The following ARL2 variants were observed in gnomAD, a reference collection of about 807,000 sequenced individuals.
The protein encoded by ARL2 is ARF like GTPase 2, also known as ADP-ribosylation factor-like protein 2.
Under a neutral mutation model 22.0 loss-of-function variants are expected in ARL2, and 11 were observed. That is an observed-to-expected ratio of 0.50 (90% CI 0.31 to 0.83). The LOEUF is 0.83. Among genes scored for constraint, ARL2 ranks in the 40% least tolerant of loss-of-function variants. ARL2 has a pLI of 0.04. For missense variants in ARL2, 216 were observed against 243.2 expected (o/e 0.89, Z 0.74); for synonymous variants, 111 against 100.8 (o/e 1.10, Z -0.61).
At chr11:65,014,619 C>T (rs1334939558) in intron 1 of ARL2, among the ~76,000 whole-genome samples, 1 of 152,226 alleles carries the variant, frequency 6.6e-6, no homozygotes, top group Admixed American at 6.5e-5. Flanking sequence ...TCTCCTCCCC[C>T]GGGCCCGAGG....
In ARL2 at chr11:65,022,013, C is replaced by T. The variant is rs1040485865; in HGVS notation, c.*158C>T. 88 of 1,124,862 alleles carry T rather than the reference C, an allele frequency of 7.8e-5. No homozygotes were observed. The highest frequency in any genetic ancestry group is 2.9e-4 in the African/African-American group (19 of 64,436). 69.7% of individuals were successfully genotyped at this position (1,124,862 alleles called of 1,614,324 possible). A position where few individuals can be genotyped will look rare whatever the true frequency, so the allele number is the denominator to read the frequency against. Reference sequence around the variant, plus strand: ...TGCCCGCTGCTGCTCTGTGGCCACCCGGCTCCCATGGCGGGAGGGCTGTGC... The same window carrying T: ...TGCCCGCTGCTGCTCTGTGGCCACCTGGCTCCCATGGCGGGAGGGCTGTGC... On this transcript the variant is annotated 3_prime_UTR_variant, in exon 5 of 5. Transcript: ENST00000246747.
Position 65,021,909 on chromosome 11 carries a change from C to T in ARL2, c.*54C>T. The T allele has an allele frequency of 1.3e-6, 2 of 1,583,624 alleles. No individual in the cohort carries two copies. Among genetic ancestry groups the T allele is most frequent in the Middle Eastern group, 1.7e-4 (1 of 5,976 alleles). On this transcript the variant is annotated 3_prime_UTR_variant, in exon 5 of 5. Transcript: ENST00000246747. ...TCCAGGTCCCTCAACCTTCACCAAA[C>T]ACTACCCATGGGGGGTTGGGAGTCA...
intron 1 of ARL2, among the ~76,000 whole-genome samples, chr11:65,014,614 T>TC (rs1461660502): frequency 2.0e-5 from 3 of 152,012 alleles, no homozygotes; most frequent in Admixed American, 1.3e-4. Flanking sequence ...TCTGATCTCC[T>TC]CCCCCGGGCC....
In ARL2 at chr11:65,021,793, C is replaced by G. The variant is rs771769117; in HGVS notation, c.493C>G (p.Leu165Val). The change falls in exon 5 of 5, where the codon CTG becomes GTG. Residue 165 changes from leucine (L) to valine (V), a missense_variant. Leu to Val is a conservative substitution (Grantham distance 32). Coordinates refer to ENST00000246747, the MANE Select transcript of ARL2 (RefSeq NM_001667.4). ...QGCSAVTGEN[L>V]LPGIDWLLDD... ...CTGCAGCGCCGTCACCGGGGAGAAC[C>G]TGCTGCCGGGCATCGACTGGCTCCT... 1.3e-5 allele frequency: 21 copies of G among 1,613,358 alleles called. No homozygotes were observed. The East Asian group carries it at 3.1e-4, about 24-fold the overall frequency.
chr11:65,015,920 T>C (rs2136901739), intron 1 of ARL2, among the ~76,000 whole-genome samples: 1 of 152,176 alleles, frequency 6.6e-6, no homozygotes, highest in South Asian at 2.1e-4. Context: ...GGCCACTGTA[T>C]GATGGCAGGG....
At chr11:65,021,552 TG>T in intron 4 of ARL2, 168 bp from the exon 5 acceptor site, 2 of 773,930 alleles carry the variant, frequency 2.6e-6, no homozygotes, top group Non-Finnish European at 2.0e-6. Flanking sequence ...CAGGTGCCCC[TG>T]GGGTCTGACA....
Position 65,018,301 on chromosome 11 carries a change from C to G in ARL2, c.66-63C>G, listed in dbSNP as rs955172753. ...GGGAAATAATGAGTCCCCTAAGGGGCTCTGCAACAATGTCACCACCTGGCA... is the reference window on the plus strand; with the variant it reads ...GGGAAATAATGAGTCCCCTAAGGGGGTCTGCAACAATGTCACCACCTGGCA... On this transcript the variant is annotated intron_variant, in intron 1 of 4. Transcript: ENST00000246747. This position sits in a 1 kb window ranked among gnomAD's most constrained non-coding sequence, Gnocchi z 4.2. The G allele has an allele frequency of 7.2e-7, 1 of 1,388,438 alleles. No individual in the cohort carries two copies. The highest frequency in any genetic ancestry group is 1.4e-5 in the African/African-American group (1 of 70,270). The allele number at this position is 1,388,438 out of a possible 1,614,324, so 86.0% of individuals were successfully genotyped here.
At chr11:65,020,565 A>G in intron 4 of ARL2, 66 bp downstream of exon 4, 1 of 1,459,310 alleles carries the variant, frequency 6.9e-7, no homozygotes, top group Non-Finnish European at 9.3e-7. Context: ...TTTTAAAAGC[A>G]TTTATTAAAA....
rs11825104 is a variant in ARL2 at position 65,022,109 on chromosome 11, G to C, written c.*254G>C. On this transcript the variant is annotated 3_prime_UTR_variant, in exon 5 of 5. Coordinates refer to ENST00000246747, the MANE Select transcript of ARL2 (RefSeq NM_001667.4). ...CAAGAAGAGAGGGCTGGGCGGGGAG[G>C]AGCTGCTACTGCTGCTACCGAGGCT... 3 of 522,476 alleles carry C rather than the reference G, an allele frequency of 5.7e-6. No individual in the cohort carries two copies. The East Asian group carries it at 9.5e-5, about 17-fold the overall frequency. The allele number at this position is 522,476 out of a possible 1,614,324, so 32.4% of individuals were successfully genotyped here.
In ARL2 at chr11:65,018,470, C is replaced by CGAGGGT; in HGVS notation, c.176_176+5dup. The CGAGGGT allele has an allele frequency of 1.2e-6, 2 of 1,606,712 alleles. No individual in the cohort carries two copies. The highest frequency in any genetic ancestry group is 1.7e-6 in the Non-Finnish European group (2 of 1,176,890). The stretch of plus-strand genomic sequence containing the variant: ...CTTCAACATCAAGACCCTGGAGCAC[C>CGAGGGT]GAGGGTGAGCAGGGGCCCCATGGGA... On this transcript the variant is annotated stop_gained and inframe_insertion, in exon 2 of 5. Coordinates refer to ENST00000246747, the MANE Select transcript of ARL2 (RefSeq NM_001667.4). LOFTEE classifies it high-confidence loss of function. This position sits in a 1 kb window ranked among gnomAD's most constrained non-coding sequence, Gnocchi z 4.2.
Position 65,020,380 on chromosome 11 carries a change from C to CT in ARL2, c.340-38dup, listed in dbSNP as rs1170270055. ...ATTAGAGGAGGGGTCAGGCTGTCCT[C>CT]TGAGTCCCCACCCCACCCCTCTATC... On this transcript the variant is annotated intron_variant, in intron 3 of 4. Transcript: ENST00000246747. 3 of 1,541,786 alleles carry CT rather than the reference C, an allele frequency of 1.9e-6. No individual in the cohort carries two copies. In the Admixed American group the frequency reaches 5.1e-5, roughly 26 times the overall value.
At position 65,017,491 on chromosome 11, in the gene ARL2, C is replaced by T. The variant is rs191370685; in HGVS notation, c.66-873C>T. 1.3e-3 allele frequency among the ~76,000 whole-genome samples: 202 copies of T among 152,200 alleles called. 1 individual carries two copies. The highest frequency in any genetic ancestry group is 4.5e-3 in the African/African-American group (187 of 41,518). ...GATTACAGGTGTGAGCCACCGCGCC[C>T]GGCCTATTTGCTCTTTTTAAGGTGG... On this transcript the variant is annotated intron_variant, in intron 1 of 4. Transcript: ENST00000246747.
At chr11:65,020,813 G>T (rs991805054) in intron 4 of ARL2, among the ~76,000 whole-genome samples, 1 of 149,564 alleles carries the variant, frequency 6.7e-6, no homozygotes, top group African/African-American at 2.5e-5. Flanking sequence ...AGGTTGCAGT[G>T]AGCCAAGATT....
intron 1 of ARL2, among the ~76,000 whole-genome samples, chr11:65,015,112 G>A (rs1048983381): frequency 6.6e-6 from 1 of 151,272 alleles, no homozygotes; most frequent in African/African-American, 2.4e-5. Flanking sequence ...GCCCATGTCT[G>A]TTTTATTTTG....
At chr11:65,019,411 G>A (rs111473060) in intron 3 of ARL2, 7,357 of 154,432 alleles carry the variant, frequency 0.048, 209 homozygotes, top group Middle Eastern at 0.064. Context: ...GCATGGTGGC[G>A]GGCGCCTGTA....
intron 1 of ARL2, among the ~76,000 whole-genome samples, chr11:65,015,560 C>CGTGT (rs112698177): frequency 2.6e-4 from 39 of 151,074 alleles, no homozygotes; most frequent in African/African-American, 8.5e-4. Flanking sequence ...TTCTGTAATG[C>CGTGT]GTGTGTGTGT....
chr11:65,020,395 A>C lies in ARL2; in HGVS notation c.340-24A>C, dbSNP rs777574623. The C allele has an allele frequency of 1.5e-5, 23 of 1,562,564 alleles. 1 individual carries two copies. Among genetic ancestry groups the C allele is most frequent in the South Asian group, 6.8e-5 (6 of 88,700 alleles). Reference sequence around the variant, plus strand: ...AGGCTGTCCTCTGAGTCCCCACCCCACCCCTCTATCTTTTCTCCCCCAGCG... The same window carrying C: ...AGGCTGTCCTCTGAGTCCCCACCCCCCCCCTCTATCTTTTCTCCCCCAGCG... On this transcript the variant is annotated intron_variant, in intron 3 of 4. Coordinates refer to ENST00000246747, the MANE Select transcript of ARL2 (RefSeq NM_001667.4).
chr11:65,021,125 T>G (rs760688801), intron 4 of ARL2, among the ~76,000 whole-genome samples: 2 of 152,140 alleles, frequency 1.3e-5, no homozygotes, highest in Non-Finnish European at 2.9e-5. Flanking sequence ...AACCACCTCA[T>G]GAGGTGAGAA....
Position 65,018,731 on chromosome 11 carries a change from G to A in ARL2, c.337G>A (p.Glu113Lys), listed in dbSNP as rs768454577. The A allele has an allele frequency of 1.2e-6, 2 of 1,614,042 alleles. No individual in the cohort carries two copies. Among genetic ancestry groups the A allele is most frequent in the South Asian group, 1.1e-5 (1 of 91,078 alleles). ...GGAGCTCCAGAGCCTGCTGGTGGAGGAGGTGGGCAGCTCCTACCCTTTGTG... is the reference window on the plus strand; with the variant it reads ...GGAGCTCCAGAGCCTGCTGGTGGAGAAGGTGGGCAGCTCCTACCCTTTGTG... ...QRELQSLLVE[E>K]RLAGATLLIF... Residue 113 changes from glutamate (E) to lysine (K), a missense_variant and splice_region_variant, in exon 3 of 5, where the codon GAG (glutamate) becomes AAG (lysine). Glu to Lys is a moderately conservative substitution (Grantham distance 56). Transcript: ENST00000246747. The surrounding 1 kb of genome is among the most constrained non-coding windows in gnomAD (Gnocchi z 4.2).
Sources: allele counts gnomAD v4.1 joint callset (sites outside exome capture counted in the v4.1 genomes callset), GRCh38; gene constraint gnomAD v4.1.1; non-coding constraint Gnocchi (gnomAD v3.1); transcripts MANE v1.5; gene names NCBI Gene and HGNC (gene_info 2026-07-23, HGNC 2026-07-21).